SDHAF3: variants seen among roughly 807,000 people sequenced by gnomAD.
The protein encoded by SDHAF3 is succinate dehydrogenase complex assembly factor 3.
In SDHAF3, 18 loss-of-function variants were observed where a neutral mutation model predicts 11.5. The ratio of observed to expected loss-of-function variants is 1.56; its 90% CI spans 1.08 to 2.32. SDHAF3 has a LOEUF of 2.32. SDHAF3 is among the 30% of genes most tolerant of loss of function. SDHAF3 has a pLI of 0.00. For synonymous variants in SDHAF3, 72 were observed against 59.3 expected (o/e 1.21, Z -0.99); for missense variants, 200 against 154.4 (o/e 1.30, Z -1.57).
At chr7:97,129,990 T>A (rs1363919430) in intron 1 of SDHAF3, among the ~76,000 whole-genome samples, 2 of 152,138 alleles carry the variant, frequency 1.3e-5, no homozygotes, top group African/African-American at 4.8e-5. Context: ...CCACAGCAGC[T>A]TCCACCTTGG....
At chr7:97,134,142 G>A (rs1233250554) in intron 1 of SDHAF3, among the ~76,000 whole-genome samples, 2 of 152,086 alleles carry the variant, frequency 1.3e-5, no homozygotes, top group African/African-American at 4.8e-5. Flanking sequence ...CAGCAAACAC[G>A]TTACTGCAAA....
chr7:97,159,731 A>T (rs949786765), intron 1 of SDHAF3, among the ~76,000 whole-genome samples: 2 of 152,172 alleles, frequency 1.3e-5, no homozygotes, highest in African/African-American at 4.8e-5. Context: ...GAAGTAGATA[A>T]GAGTGAGTTA....
Position 97,117,834 on chromosome 7 carries a change from C to G in SDHAF3, c.111C>G (p.Asp37Glu), listed in dbSNP as rs1288961366. Reference sequence around the variant, plus strand: ...CCCTGGGCGACCAGTACGTGAAAGACGAATTTAGGAGACATAAGACCGTTG... The same window carrying G: ...CCCTGGGCGACCAGTACGTGAAAGAGGAATTTAGGAGACATAAGACCGTTG... ...LKSLGDQYVK[D>E]EFRRHKTVGS... is the part of the protein sequence containing the mutation. The change falls in exon 1 of 2, where the codon GAC becomes GAG. Residue 37 changes from aspartate (D) to glutamate (E), a missense_variant. Asp to Glu is a conservative substitution (Grantham distance 45). Transcript: ENST00000432641. The G allele has an allele frequency of 6.2e-7, 1 of 1,614,202 alleles. No individual in the cohort carries two copies.
intron 1 of SDHAF3, among the ~76,000 whole-genome samples, chr7:97,175,230 TTA>T (rs1481514985): frequency 6.6e-6 from 1 of 152,144 alleles, no homozygotes; most frequent in Non-Finnish European, 1.5e-5. Flanking sequence ...TTAAGATAAT[TTA>T]TAATTTGATT....
At chr7:97,167,675 TAG>T (rs1789531625) in intron 1 of SDHAF3, among the ~76,000 whole-genome samples, 1 of 152,166 alleles carries the variant, frequency 6.6e-6, no homozygotes, top group South Asian at 2.1e-4. Flanking sequence ...ACAGTGAGTC[TAG>T]AGTGCCGATT....
chr7:97,180,623 G>GAA (rs869180160), intron 1 of SDHAF3, among the ~76,000 whole-genome samples: 1 of 152,078 alleles, frequency 6.6e-6, no homozygotes, highest in Non-Finnish European at 1.5e-5. Flanking sequence ...AAAGTTGGGG[G>GAA]AAAAAAGACC....
chr7:97,144,157 A>G (rs1015822463), intron 1 of SDHAF3, among the ~76,000 whole-genome samples: 1 of 151,662 alleles, frequency 6.6e-6, no homozygotes, highest in Non-Finnish European at 1.5e-5. Context: ...GTCTACTTAC[A>G]TTCTTTACTC....
intron 1 of SDHAF3, among the ~76,000 whole-genome samples, chr7:97,150,809 G>A (rs904007092): frequency 5.9e-5 from 9 of 151,822 alleles, no homozygotes; most frequent in East Asian, 1.9e-4. Flanking sequence ...TGATCCTTCC[G>A]CCATGGCCTC....
At chr7:97,176,070 T>C (rs1032206577) in intron 1 of SDHAF3, among the ~76,000 whole-genome samples, 7 of 152,212 alleles carry the variant, frequency 4.6e-5, no homozygotes, top group Non-Finnish European at 8.8e-5. Context: ...CTAAGAATAC[T>C]TGTGACCGTA....
At chr7:97,121,629 G>A (rs1791498145) in intron 1 of SDHAF3, among the ~76,000 whole-genome samples, 1 of 152,174 alleles carries the variant, frequency 6.6e-6, no homozygotes, top group South Asian at 2.1e-4. Flanking sequence ...AGTGTTCAAA[G>A]TTTAGTAGAA....
At chr7:97,128,415 T>C (rs1374141053) in intron 1 of SDHAF3, among the ~76,000 whole-genome samples, 2 of 152,202 alleles carry the variant, frequency 1.3e-5, no homozygotes, top group East Asian at 1.9e-4. Context: ...AAATTATAGT[T>C]TGATCAATAT....
chr7:97,140,801 G>A (rs564442561), intron 1 of SDHAF3, among the ~76,000 whole-genome samples: 3 of 152,294 alleles, frequency 2.0e-5, no homozygotes, highest in Admixed American at 2.0e-4. Flanking sequence ...CAAATTGTTT[G>A]TAGAGCATGT....
rs74375276 is a variant in SDHAF3, at chr7:97,126,796, C to T, written c.174+8899C>T. Among the ~76,000 whole-genome samples the T allele has an allele frequency of 5.0e-3, 722 of 145,128 alleles. 8 individuals carry two copies. The highest frequency in any genetic ancestry group is 0.017 in the African/African-American group (683 of 39,148). ...CCCTGGCTTCAGCTCCCTTTCCAGG[C>T]AAGTGAACGGTTCTGTCTTGCCTGG... On this transcript the variant is annotated intron_variant, in intron 1 of 1. Transcript: ENST00000432641.
chr7:97,173,032 C>T (rs1004373668), intron 1 of SDHAF3, among the ~76,000 whole-genome samples: 3 of 152,104 alleles, frequency 2.0e-5, no homozygotes, highest in African/African-American at 7.2e-5. Context: ...TCATGAGGTG[C>T]ACATAACCTA....
intron 1 of SDHAF3, among the ~76,000 whole-genome samples, chr7:97,171,182 G>A (rs1789597404): frequency 7.2e-6 from 1 of 139,244 alleles, no homozygotes; most frequent in Non-Finnish European, 1.6e-5. Context: ...AGTTCTCTAG[G>A]GAAAGCTTGA....
chr7:97,159,605 A>T (rs1789367084), intron 1 of SDHAF3, among the ~76,000 whole-genome samples: 1 of 149,778 alleles, frequency 6.7e-6, no homozygotes, highest in Admixed American at 6.7e-5. Flanking sequence ...AACAACCCCA[A>T]TTTTTTTTTT....
At chr7:97,131,521 G>T (rs567633891) in intron 1 of SDHAF3, among the ~76,000 whole-genome samples, 3 of 152,122 alleles carry the variant, frequency 2.0e-5, no homozygotes, top group Non-Finnish European at 4.4e-5. Context: ...TTTTTGAAAG[G>T]TTTCTTTGGG....
intron 1 of SDHAF3, among the ~76,000 whole-genome samples, chr7:97,153,472 C>A (rs975814422): frequency 3.3e-5 from 5 of 152,204 alleles, no homozygotes; most frequent in African/African-American, 1.2e-4. Context: ...CTGGTTGCTT[C>A]CAAGTTTTGT....
chr7:97,130,849 G>A (rs1480760915), intron 1 of SDHAF3, among the ~76,000 whole-genome samples: 1 of 152,194 alleles, frequency 6.6e-6, no homozygotes, highest in East Asian at 1.9e-4. Flanking sequence ...GGTTTTTATG[G>A]GCTCAGAATG....
Sources: allele counts gnomAD v4.1 joint callset (sites outside exome capture counted in the v4.1 genomes callset), GRCh38; gene constraint gnomAD v4.1.1; transcripts MANE v1.5; gene names NCBI Gene and HGNC (gene_info 2026-07-23, HGNC 2026-07-21).